MS4A5: variants seen among roughly 807,000 people sequenced by gnomAD.
MS4A5 encodes the protein membrane spanning 4-domains A5.
MS4A5 carries 15 observed loss-of-function variants against 18.2 expected under a neutral mutation model. The ratio of observed to expected loss-of-function variants is 0.83; its 90% CI spans 0.55 to 1.27. The LOEUF (loss-of-function observed/expected upper bound fraction) is 1.27, where lower values mean the gene tolerates loss of function less well. Among genes scored for constraint, MS4A5 ranks in the 50% most tolerant of loss-of-function variants. The probability of loss-of-function intolerance (pLI) is 0.00; values close to 1 mark genes in which losing one functional copy is unlikely to be tolerated. For missense variants in MS4A5, 232 were observed against 225.7 expected (o/e 1.03, Z -0.18); for synonymous variants, 89 against 78.7 (o/e 1.13, Z -0.69).
intron 4 of MS4A5, among the ~76,000 whole-genome samples, chr11:60,441,335 G>A (rs1346969012): frequency 1.2e-5 from 1 of 86,752 alleles, no homozygotes; most frequent in African/African-American, 3.6e-5. Context: ...GCTAGATGAC[G>A]AGTTAGTGGG....
chr11:60,443,467 T>C (rs1471743000), intron 4 of MS4A5, among the ~76,000 whole-genome samples: 1 of 151,870 alleles, frequency 6.6e-6, no homozygotes, highest in Non-Finnish European at 1.5e-5. Context: ...ACAACTAAAG[T>C]GTGCTTAGAG....
intron 2 of MS4A5, among the ~76,000 whole-genome samples, chr11:60,431,811 T>A (rs2086049797): frequency 6.6e-6 from 1 of 152,144 alleles, no homozygotes; most frequent in Admixed American, 6.5e-5. Flanking sequence ...TTCTATTATG[T>A]GAACTATAAG....
chr11:60,447,492 A>T (rs80134304), intron 4 of MS4A5, among the ~76,000 whole-genome samples, 157 bp from the exon 5 acceptor site: 2,901 of 149,940 alleles, frequency 0.019, 104 homozygotes, highest in African/African-American at 0.066. Context: ...CATACTCTGA[A>T]AATCCTTCAC....
chr11:60,447,125 C>T (rs913241925), intron 4 of MS4A5, among the ~76,000 whole-genome samples: 3 of 129,102 alleles, frequency 2.3e-5, no homozygotes, highest in Non-Finnish European at 3.4e-5. Context: ...CTATGCTATC[C>T]TATGCTATGC....
chr11:60,431,503 G>T (rs764803119), intron 2 of MS4A5, among the ~76,000 whole-genome samples: 5 of 152,208 alleles, frequency 3.3e-5, no homozygotes, highest in Non-Finnish European at 5.9e-5. Flanking sequence ...TCAGGGAAAA[G>T]AAAGCAGTGC....
At chr11:60,438,720 C>A (rs2086094438) in intron 4 of MS4A5, among the ~76,000 whole-genome samples, 1 of 151,316 alleles carries the variant, frequency 6.6e-6, no homozygotes, top group South Asian at 2.1e-4. Context: ...CAAGACTAAA[C>A]CAGGAAGAAG....
chr11:60,433,235 A>G (rs1272494503), intron 3 of MS4A5, among the ~76,000 whole-genome samples: 2 of 152,218 alleles, frequency 1.3e-5, no homozygotes, highest in Non-Finnish European at 2.9e-5. Flanking sequence ...TCTCAAAATA[A>G]AGAATACAGT....
intron 4 of MS4A5, among the ~76,000 whole-genome samples, chr11:60,440,006 C>G (rs11230321): frequency 0.28 from 40,171 of 144,812 alleles, 5,805 homozygotes; most frequent in Non-Finnish European, 0.31. Context: ...GGAGGCATCA[C>G]ACTACCTGAC....
chr11:60,444,033 TTTC>T (rs1387651533), intron 4 of MS4A5, among the ~76,000 whole-genome samples: 6 of 152,330 alleles, frequency 3.9e-5, no homozygotes, highest in African/African-American at 1.4e-4. Context: ...AGCAGACTAA[TTTC>T]TTCCAAACAT....
intron 4 of MS4A5, chr11:60,435,556 G>T: frequency 2.7e-6 from 1 of 366,006 alleles, no homozygotes; most frequent in Non-Finnish European, 5.3e-6. Flanking sequence ...GACAGTGGGC[G>T]CAGGTCAGTG....
chr11:60,441,186 CA>C (rs2086109533), intron 4 of MS4A5, among the ~76,000 whole-genome samples: 1 of 128,578 alleles, frequency 7.8e-6, no homozygotes, highest in Non-Finnish European at 1.6e-5. Context: ...AACAAAAAAC[CA>C]AACACCGCAT....
chr11:60,445,081 G>A (rs2086132142), intron 4 of MS4A5, among the ~76,000 whole-genome samples: 1 of 151,964 alleles, frequency 6.6e-6, no homozygotes, highest in African/African-American at 2.4e-5. Flanking sequence ...ATTATACCGA[G>A]GCAAACAATT....
Position 60,445,538 on chromosome 11 carries a change from G to C in MS4A5, c.493-2111G>C, listed in dbSNP as rs1161043551. On this transcript the variant is annotated intron_variant, in intron 4 of 4. Coordinates refer to ENST00000300190, the MANE Select transcript of MS4A5 (RefSeq NM_023945.3). The stretch of plus-strand genomic sequence containing the variant: ...GCCTCCCAAAGTGCTAGGATTACAG[G>C]CATGAGCTGGCGCAACCAGCCAAAA... 5.3e-5 allele frequency among the ~76,000 whole-genome samples: 8 copies of C among 152,108 alleles called. No individual in the cohort carries two copies. The East Asian group carries it at 1.5e-3, about 29-fold the overall frequency.
intron 4 of MS4A5, among the ~76,000 whole-genome samples, chr11:60,444,238 A>C (rs1487831105): frequency 1.3e-5 from 2 of 152,206 alleles, no homozygotes; most frequent in Non-Finnish European, 2.9e-5. Context: ...CAAATTCAGC[A>C]TAATATATGA....
chr11:60,430,825 C>A lies in MS4A5; in HGVS notation c.183C>A (p.Thr61=), dbSNP rs1308102108. 9 of 1,612,938 alleles carry A rather than the reference C, an allele frequency of 5.6e-6. No individual in the cohort carries two copies. Among genetic ancestry groups the A allele is most frequent in the Non-Finnish European group, 7.6e-6 (9 of 1,179,816 alleles). The change falls in exon 2 of 5, where the codon ACC becomes ACA. Residue 61 remains threonine, a synonymous_variant. Coordinates refer to ENST00000300190, the MANE Select transcript of MS4A5 (RefSeq NM_023945.3). ...GTIQILFGIM[T]FSFGVIFLFT... ...TCCAGATCCTGTTTGGAATTATGAC[C>A]TTTTCTTTTGGAGTTATCTTCCTTT...
At position 60,446,836 on chromosome 11, in the gene MS4A5, C is replaced by CT. The variant is rs928849016; in HGVS notation, c.493-807dup. On this transcript the variant is annotated intron_variant, in intron 4 of 4. Coordinates refer to ENST00000300190, the MANE Select transcript of MS4A5 (RefSeq NM_023945.3). ...TCTCTTTTACTAAGCCAATAGTTTT[C>CT]TTTTTTCCCTCTTTTTCTTTTCTAT... is the stretch of plus-strand genomic sequence containing the variant. Among the ~76,000 whole-genome samples the CT allele has an allele frequency of 1.3e-4, 19 of 150,792 alleles. No individual in the cohort carries two copies. The South Asian group carries it at 2.7e-3, about 22-fold the overall frequency.
At chr11:60,445,947 A>G (rs774102146) in intron 4 of MS4A5, among the ~76,000 whole-genome samples, 1 of 152,214 alleles carries the variant, frequency 6.6e-6, no homozygotes, top group Non-Finnish European at 1.5e-5. Flanking sequence ...TTTGGGAAGC[A>G]AGGATACAAC....
At chr11:60,440,511 T>G (rs1022144893) in intron 4 of MS4A5, among the ~76,000 whole-genome samples, 1 of 125,772 alleles carries the variant, frequency 8.0e-6, no homozygotes, top group Non-Finnish European at 1.8e-5. Flanking sequence ...GGGAGAAAAT[T>G]TTTGCAACCT....
chr11:60,430,886 A>G lies in MS4A5; in HGVS notation c.244A>G (p.Ile82Val), dbSNP rs1249484860. ...LLKPYPRFPF[I>V]FLSGYPFWGS... ...AAAACCATATCCAAGGTTTCCCTTT[A>G]TATTTCTTTCAGGATATCCATTCTG... Residue 82 changes from isoleucine (I) to valine (V), a missense_variant, in exon 2 of 5, where the codon ATA becomes GTA. Coordinates refer to ENST00000300190, the MANE Select transcript of MS4A5 (RefSeq NM_023945.3). 6.2e-7 allele frequency: 1 copy of G among 1,613,262 alleles called. No individual in the cohort carries two copies.
Sources: allele counts gnomAD v4.1 joint callset (sites outside exome capture counted in the v4.1 genomes callset), GRCh38; gene constraint gnomAD v4.1.1; transcripts MANE v1.5; gene names NCBI Gene and HGNC (gene_info 2026-07-23, HGNC 2026-07-21).